The following EEFSEC variants were observed in gnomAD, a reference collection of about 807,000 sequenced individuals.
EEFSEC encodes eukaryotic elongation factor, selenocysteine-tRNA specific, also known as selenocysteine-specific elongation factor.
In EEFSEC, 43 loss-of-function variants were observed where a neutral mutation model predicts 42.1. That is an observed-to-expected ratio of 1.02 (90% CI 0.80 to 1.32). The LOEUF is 1.32. Ranked by LOEUF, EEFSEC falls within the 40% of genes most tolerant of loss-of-function variation. The pLI is 0.00. For synonymous variants in EEFSEC, 354 were observed against 339.1 expected (o/e 1.04, Z -0.48); for missense variants, 745 against 803.6 (o/e 0.93, Z 0.88).
At chr3:128,321,144 G>T (rs1396771869) in intron 4 of EEFSEC, among the ~76,000 whole-genome samples, 3 of 152,186 alleles carry the variant, frequency 2.0e-5, no homozygotes, top group African/African-American at 4.8e-5. Context: ...GAGAGACTGG[G>T]AGAGGCAGGG....
At chr3:128,395,528 C>T (rs2067970997) in intron 6 of EEFSEC, among the ~76,000 whole-genome samples, 1 of 152,244 alleles carries the variant, frequency 6.6e-6, no homozygotes, top group Admixed American at 6.5e-5. Flanking sequence ...AAGTCTCCCT[C>T]TATCTCAAGA....
rs3037459 is a variant in EEFSEC at position 128,399,108 on chromosome 3, TAA to T, written c.1601-8953_1601-8952del. On this transcript the variant is annotated intron_variant, in intron 6 of 6. Transcript: ENST00000254730. The stretch of plus-strand genomic sequence containing the variant: ...TAAATAAATAAATAAATAAATAAAA[TAA>T]AAAAAAACCCTTCCATCCGCATAAT... Among the ~76,000 whole-genome samples the T allele has an allele frequency of 9.5e-4, 144 of 150,864 alleles. 1 individual carries two copies. Among genetic ancestry groups the T allele is most frequent in the African/African-American group, 3.3e-3 (137 of 41,076 alleles).
chr3:128,330,163 A>G (rs2067110709), intron 4 of EEFSEC, among the ~76,000 whole-genome samples: 1 of 152,244 alleles, frequency 6.6e-6, no homozygotes, highest in Non-Finnish European at 1.5e-5. Flanking sequence ...GGTGGCTGGG[A>G]GGAGGAGCGT....
chr3:128,305,920 G>C (rs2066821092), intron 4 of EEFSEC, among the ~76,000 whole-genome samples: 1 of 152,158 alleles, frequency 6.6e-6, no homozygotes, highest in African/African-American at 2.4e-5. Flanking sequence ...TGTCCTTTGA[G>C]CTTGTGAATG....
Position 128,269,370 on chromosome 3 carries a change from C to T in EEFSEC, c.786+4589C>T, listed in dbSNP as rs1318123620. 2.0e-5 allele frequency among the ~76,000 whole-genome samples: 3 copies of T among 152,240 alleles called. No homozygotes were observed. In the East Asian group the frequency reaches 5.8e-4, roughly 29 times the overall value. On this transcript the variant is annotated intron_variant, in intron 4 of 6. Transcript: ENST00000254730. ...TGCTGAGGCCTTGCCTGGGCTGCGGCATGTACGAGAGCCCATTGCAGCAGA... is the reference window on the plus strand; with the variant it reads ...TGCTGAGGCCTTGCCTGGGCTGCGGTATGTACGAGAGCCCATTGCAGCAGA...
chr3:128,214,123 A>T (rs1383652414), intron 1 of EEFSEC, among the ~76,000 whole-genome samples: 1 of 152,254 alleles, frequency 6.6e-6, no homozygotes, highest in Non-Finnish European at 1.5e-5. Context: ...CTTAGAAGAC[A>T]GATGGTAAGG....
intron 6 of EEFSEC, among the ~76,000 whole-genome samples, chr3:128,375,643 C>A (rs1324478084): frequency 3.9e-5 from 6 of 152,192 alleles, no homozygotes; most frequent in Non-Finnish European, 8.8e-5. Flanking sequence ...TCTAGGAAGG[C>A]TCCCTGTCCT....
At chr3:128,301,143 G>T (rs562878074) in intron 4 of EEFSEC, among the ~76,000 whole-genome samples, 2 of 152,334 alleles carry the variant, frequency 1.3e-5, no homozygotes, top group African/African-American at 4.8e-5. Flanking sequence ...TATGTGCAAT[G>T]TTCCGTCCTG....
chr3:128,281,801 C>A (rs764127403), intron 4 of EEFSEC, among the ~76,000 whole-genome samples: 2 of 152,142 alleles, frequency 1.3e-5, no homozygotes, highest in African/African-American at 4.8e-5. Flanking sequence ...GGGTTTTGAG[C>A]CTTATGGCTG....
chr3:128,351,158 A>G (rs2067380369), intron 5 of EEFSEC, among the ~76,000 whole-genome samples: 1 of 152,060 alleles, frequency 6.6e-6, no homozygotes, highest in Non-Finnish European at 1.5e-5. Context: ...AGCTCCAAGC[A>G]TGTGGTTGGT....
chr3:128,391,620 G>C (rs906816058), intron 6 of EEFSEC, among the ~76,000 whole-genome samples: 1 of 152,202 alleles, frequency 6.6e-6, no homozygotes, highest in African/African-American at 2.4e-5. Flanking sequence ...TCACCGATGG[G>C]CTCTTCTCTC....
intron 6 of EEFSEC, among the ~76,000 whole-genome samples, chr3:128,375,775 G>C (rs555925874): frequency 1.3e-5 from 2 of 152,178 alleles, no homozygotes; most frequent in African/African-American, 4.8e-5. Flanking sequence ...CTCATTCCAC[G>C]ACTGGGCTGG....
intron 1 of EEFSEC, among the ~76,000 whole-genome samples, chr3:128,184,253 T>C (rs976996672): frequency 2.6e-5 from 4 of 152,248 alleles, no homozygotes; most frequent in African/African-American, 9.6e-5. Flanking sequence ...AGTACATGCA[T>C]ATTGTAGTGC....
intron 6 of EEFSEC, among the ~76,000 whole-genome samples, chr3:128,384,475 C>G (rs761620242): frequency 1.3e-5 from 2 of 152,190 alleles, no homozygotes; most frequent in Non-Finnish European, 2.9e-5. Flanking sequence ...GTGAAGTGCT[C>G]AGGACCCAGC....
chr3:128,322,803 A>AG (rs2067022080), intron 4 of EEFSEC, among the ~76,000 whole-genome samples: 2 of 152,288 alleles, frequency 1.3e-5, no homozygotes, highest in South Asian at 4.1e-4. Context: ...AGCCCGAAGC[A>AG]CAGGGGTGGT....
At chr3:128,268,790 C>T (rs1050085626) in intron 4 of EEFSEC, among the ~76,000 whole-genome samples, 1 of 152,104 alleles carries the variant, frequency 6.6e-6, no homozygotes, top group Non-Finnish European at 1.5e-5. Context: ...GAGTCTGCCT[C>T]GGTGCCTCCA....
chr3:128,384,876 G>A (rs951471639), intron 6 of EEFSEC, among the ~76,000 whole-genome samples: 1 of 152,172 alleles, frequency 6.6e-6, no homozygotes, highest in Non-Finnish European at 1.5e-5. Flanking sequence ...AAGTGGTGCA[G>A]GGCTGTCCCC....
intron 1 of EEFSEC, among the ~76,000 whole-genome samples, chr3:128,178,840 T>C (rs570346736): frequency 1.1e-4 from 17 of 152,354 alleles, no homozygotes; most frequent in African/African-American, 4.1e-4. Flanking sequence ...ATTGTAATTG[T>C]TATTTTATTG....
intron 4 of EEFSEC, among the ~76,000 whole-genome samples, chr3:128,329,167 C>T (rs2067097790): frequency 6.6e-6 from 1 of 152,244 alleles, no homozygotes; most frequent in African/African-American, 2.4e-5. Context: ...GGCCCAGGCT[C>T]AGCTGCTGGG....
Sources: gnomAD v4.1 joint callset for allele counts (sites outside exome capture counted in the v4.1 genomes callset) on GRCh38, gnomAD v4.1.1 for gene constraint, MANE v1.5 for transcripts, NCBI Gene and HGNC (gene_info 2026-07-23, HGNC 2026-07-21) for gene names.